The following ADCY6 variants were observed in gnomAD, a reference collection of about 807,000 sequenced individuals.
ADCY6 encodes adenylate cyclase type 6.
A neutral mutation model predicts 111.6 loss-of-function variants in ADCY6; 59 were observed. That is an observed-to-expected ratio of 0.53 (90% confidence interval 0.43 to 0.66). The LOEUF (loss-of-function observed/expected upper bound fraction) is 0.66. Ranked by LOEUF, ADCY6 falls within the 30% of genes least tolerant of loss-of-function variation. The probability of loss-of-function intolerance (pLI) is 0.00; values close to 1 mark genes in which losing one functional copy is unlikely to be tolerated. For synonymous variants in ADCY6, 576 were observed against 642.9 expected (o/e 0.90, Z 1.57); for missense variants, 1,242 against 1,595.6 (o/e 0.78, Z 3.78).
intron 2 of ADCY6, among the ~76,000 whole-genome samples, chr12:48,779,570 C>A (rs917735424): frequency 6.6e-6 from 1 of 152,074 alleles, no homozygotes; most frequent in African/African-American, 2.4e-5. Context: ...GACACTCAGC[C>A]CTGCCAGGCC....
chr12:48,788,264 C>T (rs1353362650), intron 1 of ADCY6, among the ~76,000 whole-genome samples: 1 of 152,186 alleles, frequency 6.6e-6, no homozygotes, highest in Non-Finnish European at 1.5e-5. Flanking sequence ...TACTATGCAA[C>T]CCCCACCAGG....
Position 48,771,599 on chromosome 12 carries a change from T to C in ADCY6, c.3051+111A>G. On this transcript the variant is annotated intron_variant, in intron 19 of 21. Transcript: ENST00000357869. This position sits in a 1 kb window ranked among gnomAD's most constrained non-coding sequence, Gnocchi z 4.3. ...TGTGCATACCCTTACCCCTGATGAC[T>C]CTGGGTCCCATCAAATCTCTCTCTC... 1 of 1,539,198 alleles carries C rather than the reference T, an allele frequency of 6.5e-7. No individual in the cohort carries two copies. The highest frequency in any genetic ancestry group is 1.7e-5 in the Admixed American group (1 of 59,834).
At position 48,776,868 on chromosome 12, in the gene ADCY6, C is replaced by G. The variant is rs1167781778; in HGVS notation, c.1376+236G>C. ...CTGGCCTGCACAGATGGCATTCCCT[C>G]TAGCCCAACTCCCCTACTGCATAGG... is the stretch of plus-strand genomic sequence containing the variant. On this transcript the variant is annotated intron_variant, in intron 6 of 21. Transcript: ENST00000357869. This position sits in a 1 kb window ranked among gnomAD's most constrained non-coding sequence, Gnocchi z 6.1. 6.6e-6 allele frequency among the ~76,000 whole-genome samples: 1 copy of G among 152,206 alleles called. No homozygotes were observed. The highest frequency in any genetic ancestry group is 1.5e-5 in the Non-Finnish European group (1 of 68,028).
intron 1 of ADCY6, among the ~76,000 whole-genome samples, chr12:48,787,503 G>A (rs921038646): frequency 4.6e-5 from 7 of 152,082 alleles, no homozygotes; most frequent in Non-Finnish European, 8.8e-5. Context: ...TGCCCATCCC[G>A]CAGAACTTGC....
chr12:48,787,514 C>CG (rs1245349959), intron 1 of ADCY6, among the ~76,000 whole-genome samples: 1 of 152,172 alleles, frequency 6.6e-6, no homozygotes, highest in Non-Finnish European at 1.5e-5. Flanking sequence ...CAGAACTTGC[C>CG]GGCCTCCCAA....
At position 48,776,334 on chromosome 12, in the gene ADCY6, G is replaced by C; in HGVS notation, c.1552C>G (p.Arg518Gly). Reference sequence around the variant, plus strand: ...CCGTTCAGGTACTGCAGTGTTGCCCGAGTGATGTGGATGCGGCTGTATGTG... The same window carrying C: ...CCGTTCAGGTACTGCAGTGTTGCCCCAGTGATGTGGATGCGGCTGTATGTG... ...GGRAGRIHIT[R>G]ATLQYLNGDY... Residue 518 changes from arginine to glycine, a missense_variant, in exon 8 of 22, where the codon CGG becomes GGG. Around this residue, in one of 4 missense-constraint regions of ADCY6, gnomAD observed 260 missense variants for 414.6 expected, o/e 0.63. Transcript: ENST00000357869. This position sits in a 1 kb window ranked among gnomAD's most constrained non-coding sequence, Gnocchi z 6.1. The C allele has an allele frequency of 6.2e-7, 1 of 1,614,188 alleles. No individual in the cohort carries two copies. The highest frequency in any genetic ancestry group is 8.5e-7 in the Non-Finnish European group (1 of 1,180,030).
chr12:48,786,321 C>T (rs1374853436), intron 1 of ADCY6, among the ~76,000 whole-genome samples: 2 of 152,170 alleles, frequency 1.3e-5, no homozygotes, highest in African/African-American at 2.4e-5. Flanking sequence ...GATCTGTCAG[C>T]ACCCCTTCTC....
rs761840671 is a variant in ADCY6 at position 48,782,590 on chromosome 12, T to A, written c.845A>T (p.Asp282Val). ...ACCTACCTGCTTCCAGAGGAAGGCA[T>A]CACCACGGTTAAGTTGCCAGGCCAA... ...LILAWQLNRG[D>V]AFLWKQLGAN... Residue 282 changes from aspartate to valine, a missense_variant, in exon 2 of 22, where the codon GAT becomes GTT. Physicochemically the swap from Asp to Val is radical, Grantham distance 152. This residue lies in a region of ADCY6 where 260 missense variants were observed against 414.6 expected (regional missense o/e 0.63). Coordinates refer to ENST00000357869, the MANE Select transcript of ADCY6 (RefSeq NM_015270.5). This position sits in a 1 kb window ranked among gnomAD's most constrained non-coding sequence, Gnocchi z 4.3. 19 of 1,611,620 alleles carry A rather than the reference T, an allele frequency of 1.2e-5. No homozygotes were observed. In the Admixed American group the frequency reaches 3.0e-4, roughly 26 times the overall value.
At position 48,777,290 on chromosome 12, in the gene ADCY6, C is replaced by T; in HGVS notation, c.1249-59G>A. 3.1e-6 allele frequency: 5 copies of T among 1,593,312 alleles called. No individual in the cohort carries two copies. The highest frequency in any genetic ancestry group is 4.3e-6 in the Non-Finnish European group (5 of 1,169,208). ...TTTACTCTCTTGCCCACCCAGCCTG[C>T]ATGGCCCACCACCCTCCACGCATAC... On this transcript the variant is annotated intron_variant, in intron 5 of 21. Coordinates refer to ENST00000357869, the MANE Select transcript of ADCY6 (RefSeq NM_015270.5). The surrounding 1 kb of genome is among the most constrained non-coding windows in gnomAD (Gnocchi z 4.9).
intron 2 of ADCY6, among the ~76,000 whole-genome samples, chr12:48,778,859 C>T (rs1428596174): frequency 6.8e-6 from 1 of 146,874 alleles, no homozygotes; most frequent in East Asian, 2.0e-4. Flanking sequence ...GTCTTCTATA[C>T]ACTGAATAAC....
In ADCY6 at chr12:48,776,675, C is replaced by G. The variant is rs1313603418; in HGVS notation, c.1377-89G>C. On this transcript the variant is annotated intron_variant, in intron 6 of 21. Coordinates refer to ENST00000357869, the MANE Select transcript of ADCY6 (RefSeq NM_015270.5). This position sits in a 1 kb window ranked among gnomAD's most constrained non-coding sequence, Gnocchi z 6.1. ...GCCCTTCACTCCTCTCAGGGCCCAG[C>G]GGGCAAGGACAGACCCAGATGCAGG... is the stretch of plus-strand genomic sequence containing the variant. 6.8e-7 allele frequency: 1 copy of G among 1,480,498 alleles called. No homozygotes were observed. Among genetic ancestry groups the G allele is most frequent in the Non-Finnish European group, 9.0e-7 (1 of 1,111,162 alleles). 91.7% of individuals were successfully genotyped at this position (1,480,498 alleles called of 1,614,324 possible).
rs199651584 is a variant in ADCY6 at position 48,778,096 on chromosome 12, G to C, written c.1014+12C>G. ...GGTGGGGGCAGGCCCTGGTCACGGGGAGCAGCCCCACCTGCTGCCGATTCT... is the reference window on the plus strand; with the variant it reads ...GGTGGGGGCAGGCCCTGGTCACGGGCAGCAGCCCCACCTGCTGCCGATTCT... On this transcript the variant is annotated intron_variant, in intron 3 of 21. Coordinates refer to ENST00000357869, the MANE Select transcript of ADCY6 (RefSeq NM_015270.5). The C allele has an allele frequency of 5.6e-6, 9 of 1,601,496 alleles. No individual in the cohort carries two copies. The African/African-American group carries it at 1.1e-4, about 19-fold the overall frequency.
At position 48,782,505 on chromosome 12, in the gene ADCY6, C is replaced by T. The variant is rs1420868428; in HGVS notation, c.864+66G>A. On this transcript the variant is annotated intron_variant, in intron 2 of 21. Transcript: ENST00000357869. The surrounding 1 kb of genome is among the most constrained non-coding windows in gnomAD (Gnocchi z 4.3). ...CACCCGCCCTTCCTCACTAAGCCCC[C>T]ACCTGCTTATGAGGTGAGAAATTCC... 11 of 1,536,872 alleles carry T rather than the reference C, an allele frequency of 7.2e-6. No homozygotes were observed. Among genetic ancestry groups the T allele is most frequent in the Non-Finnish European group, 9.6e-6 (11 of 1,140,954 alleles).
At chr12:48,787,385 G>A (rs576591850) in intron 1 of ADCY6, among the ~76,000 whole-genome samples, 2 of 152,228 alleles carry the variant, frequency 1.3e-5, no homozygotes, top group African/African-American at 4.8e-5. Flanking sequence ...CCAGGAGAAT[G>A]CATGACCCTC....
Position 48,774,103 on chromosome 12 carries a change from A to C in ADCY6, c.2284-5T>G, listed in dbSNP as rs1941628036. The C allele has an allele frequency of 1.9e-6, 3 of 1,604,580 alleles. No homozygotes were observed. Among genetic ancestry groups the C allele is most frequent in the Non-Finnish European group, 2.6e-6 (3 of 1,174,886 alleles). On this transcript the variant is annotated splice_region_variant and splice_polypyrimidine_tract_variant and intron_variant, in intron 14 of 21. Coordinates refer to ENST00000357869, the MANE Select transcript of ADCY6 (RefSeq NM_015270.5). ...GGGGGTGTGGTTACAGGTGAACTGC[A>C]AAAGTGGAGGGGTATATCAGGGTAA... is the stretch of plus-strand genomic sequence containing the variant.
At position 48,775,050 on chromosome 12, in the gene ADCY6, G is replaced by C. The variant is rs1217725771; in HGVS notation, c.1985C>G (p.Ser662Cys). The C allele has an allele frequency of 6.4e-7, 1 of 1,554,126 alleles. No individual in the cohort carries two copies. The highest frequency in any genetic ancestry group is 2.4e-5 in the East Asian group (1 of 41,192). Reference protein sequence around the residue: ...FQREDLEKKYSRKVDPRFGAY... With the variant: ...FQREDLEKKYCRKVDPRFGAY... ...TCCGAAGCGGGGATCCACCTTCCGG[G>C]AGTACTGAGGGAGAGGAGGCTGAGC... is the stretch of plus-strand genomic sequence containing the variant. The change falls in exon 12 of 22, where the codon TCC becomes TGC. Residue 662 changes from serine to cysteine, a missense_variant. Physicochemically the swap from Ser to Cys is moderately radical, Grantham distance 112. Around this residue, in one of 4 missense-constraint regions of ADCY6, gnomAD observed 375 missense variants for 432.5 expected, o/e 0.87. Coordinates refer to ENST00000357869, the MANE Select transcript of ADCY6 (RefSeq NM_015270.5).
rs535943191 is a variant in ADCY6 at position 48,776,286 on chromosome 12, G to A, written c.1600C>T (p.Arg534Cys). The A allele has an allele frequency of 4.3e-4, 695 of 1,614,200 alleles. 9 individuals are homozygous for A. The South Asian group carries it at 7.0e-3, about 16-fold the overall frequency. ...LNGDYEVEPG[R>C]GGERNAYLKE... Reference sequence around the variant, plus strand: ...AGGTACGCGTTGCGCTCGCCACCACGGCCTGGCTCCACCTCGTAGTCCCCG... The same window carrying A: ...AGGTACGCGTTGCGCTCGCCACCACAGCCTGGCTCCACCTCGTAGTCCCCG... The change falls in exon 8 of 22, where the codon CGT (arginine) becomes TGT (cysteine). Residue 534 changes from arginine (R) to cysteine (C), a missense_variant. Around this residue, in one of 4 missense-constraint regions of ADCY6, gnomAD observed 260 missense variants for 414.6 expected, o/e 0.63. Transcript: ENST00000357869. This position sits in a 1 kb window ranked among gnomAD's most constrained non-coding sequence, Gnocchi z 6.1.
intron 14 of ADCY6, 136 bp downstream of exon 14, chr12:48,774,266 C>G: frequency 1.9e-6 from 2 of 1,068,800 alleles, no homozygotes. Context: ...GAAGGAGAAC[C>G]GGAGTTAACC....
rs1199804650 is a variant in ADCY6 at position 48,782,936 on chromosome 12, GCAGCACCGCTGTGAGCAGCAC to G, written c.478_498del (p.Val160_Leu166del). Reference sequence around the variant, plus strand: ...CGGGCGGGTGCGGCGTGGAAAGCCAGCAGCACCGCTGTGAGCAGCACCAGCACCGCCATCAGCAGCGTCAGG... The same window carrying G: ...CGGGCGGGTGCGGCGTGGAAAGCCAGCAGCACCGCCATCAGCAGCGTCAGG... On this transcript the variant is annotated inframe_deletion, in exon 2 of 22. Transcript: ENST00000357869. This position sits in a 1 kb window ranked among gnomAD's most constrained non-coding sequence, Gnocchi z 4.3. 2 of 1,613,358 alleles carry G rather than the reference GCAGCACCGCTGTGAGCAGCAC, an allele frequency of 1.2e-6. No individual in the cohort carries two copies. Among genetic ancestry groups the G allele is most frequent in the Non-Finnish European group, 1.7e-6 (2 of 1,179,918 alleles).
Sources: gnomAD v4.1 joint callset for allele counts (sites outside exome capture counted in the v4.1 genomes callset) on GRCh38, gnomAD v4.1.1 for gene constraint, gnomAD v4.1.1 regional missense constraint, Gnocchi (gnomAD v3.1) non-coding constraint, MANE v1.5 for transcripts, NCBI Gene and HGNC (gene_info 2026-07-23, HGNC 2026-07-21) for gene names.